Variants in SPNS2 observed in about 807,000 individuals in gnomAD.
SPNS2 encodes SPNS lysolipid transporter 2, sphingosine-1-phosphate.
SPNS2 carries 37 observed loss-of-function variants against 57.6 expected under a neutral mutation model. That is an observed-to-expected ratio of 0.64 (90% CI 0.49 to 0.85). The LOEUF (loss-of-function observed/expected upper bound fraction) is 0.85, where lower values mean the gene tolerates loss of function less well. Ranked by LOEUF, SPNS2 falls within the 40% of genes least tolerant of loss-of-function variation. The pLI, the probability that SPNS2 is intolerant of heterozygous loss-of-function variation, is 0.00. For synonymous variants in SPNS2, 440 were observed against 346.9 expected (o/e 1.27, Z -2.98); for missense variants, 831 against 779.1 (o/e 1.07, Z -0.79).
At chr17:4,533,892 C>A (rs757011727) in intron 9 of SPNS2, 39 bp downstream of exon 9, 4 of 1,602,816 alleles carry the variant, frequency 2.5e-6, no homozygotes. Context: ...TGCTGCTGAC[C>A]CAGGCCTCTT....
intron 2 of SPNS2, among the ~76,000 whole-genome samples, chr17:4,522,235 G>T (rs761353612): frequency 3.3e-5 from 5 of 152,150 alleles, no homozygotes; most frequent in Non-Finnish European, 5.9e-5. Flanking sequence ...CCACATCAGG[G>T]CTCCCCTCAC....
chr17:4,508,559 G>C (rs1407500408), intron 1 of SPNS2, among the ~76,000 whole-genome samples: 1 of 152,162 alleles, frequency 6.6e-6, no homozygotes, highest in Non-Finnish European at 1.5e-5. Context: ...CTGGAGTCAG[G>C]GGCTGTATGT....
chr17:4,535,944 A>G (rs1421262219), intron 9 of SPNS2, 132 bp from the exon 10 acceptor site: 7 of 690,762 alleles, frequency 1.0e-5, no homozygotes, highest in Non-Finnish European at 1.2e-5. Flanking sequence ...GGCCCAGGGG[A>G]GAGAGGTGTC....
chr17:4,535,159 G>C (rs996043389), intron 9 of SPNS2, among the ~76,000 whole-genome samples: 16 of 152,212 alleles, frequency 1.1e-4, no homozygotes, highest in Non-Finnish European at 1.6e-4. Flanking sequence ...GGCTGTGCCT[G>C]TCCCGCCCCC....
At position 4,512,808 on chromosome 17, in the gene SPNS2, G is replaced by A. The variant is rs112557317; in HGVS notation, c.371-439G>A. 0.024 allele frequency among the ~76,000 whole-genome samples: 3,596 copies of A among 151,168 alleles called. 129 individuals carry two copies. Among genetic ancestry groups the A allele is most frequent in the African/African-American group, 0.081 (3,382 of 41,506 alleles). On this transcript the variant is annotated intron_variant, in intron 1 of 12. Coordinates refer to ENST00000329078, the MANE Select transcript of SPNS2 (RefSeq NM_001124758.3). This position sits in a 1 kb window ranked among gnomAD's most constrained non-coding sequence, Gnocchi z 5.2. ...CATGTGCAGGTGAACCAGAGTGAGCGGCTGCCCCTCCCAGGCCAGAGGGCT... is the reference window on the plus strand; with the variant it reads ...CATGTGCAGGTGAACCAGAGTGAGCAGCTGCCCCTCCCAGGCCAGAGGGCT...
rs778795944 is a variant in SPNS2, at chr17:4,533,830, G to T, written c.1321G>T (p.Ala441Ser). 3 of 1,612,358 alleles carry T rather than the reference G, an allele frequency of 1.9e-6. No individual in the cohort carries two copies. Among genetic ancestry groups the T allele is most frequent in the Non-Finnish European group, 1.7e-6 (2 of 1,179,430 alleles). The change falls in exon 9 of 13, where the codon GCC becomes TCC. Residue 441 changes from alanine (A) to serine (S), a missense_variant. Physicochemically the swap from Ala to Ser is moderately conservative, Grantham distance 99. Coordinates refer to ENST00000329078, the MANE Select transcript of SPNS2 (RefSeq NM_001124758.3). ...VGETLLFSNW[A>S]ITADILMYVV... is the part of the protein sequence containing the mutation. ...GGAGACGCTGCTGTTTTCTAACTGG[G>T]CCATCACTGCAGACATCCTCATGGT...
chr17:4,536,796 A>C, intron 11 of SPNS2, 104 bp from the exon 12 acceptor site: 1 of 952,082 alleles, frequency 1.1e-6, no homozygotes, highest in Non-Finnish European at 1.7e-6. Context: ...GTCCCTGCCC[A>C]GCACCTCCGG....
chr17:4,536,092 C>G lies in SPNS2; in HGVS notation c.1361C>G (p.Thr454Arg). The change falls in exon 10 of 13, where the codon ACG (threonine) becomes AGG (arginine). Residue 454 changes from threonine (T) to arginine (R), a missense_variant. Around this residue, in one of 2 missense-constraint regions of SPNS2, gnomAD observed 526 missense variants for 400.9 expected, o/e 1.31. Transcript: ENST00000329078. Reference sequence around the variant, plus strand: ...GTTCCGCAGTACGTGGTCATCCCCACGCGGCGCGCCACTGCCGTGGCCTTG... The same window carrying G: ...GTTCCGCAGTACGTGGTCATCCCCAGGCGGCGCGCCACTGCCGTGGCCTTG... ...ADILMYVVIP[T>R]RRATAVALQS... 1 of 1,611,972 alleles carries G rather than the reference C, an allele frequency of 6.2e-7. No homozygotes were observed. Among genetic ancestry groups the G allele is most frequent in the East Asian group, 2.2e-5 (1 of 44,860 alleles).
At chr17:4,516,058 A>G (rs4520892) in intron 2 of SPNS2, among the ~76,000 whole-genome samples, 68,295 of 151,786 alleles carry the variant, frequency 0.45, 16,796 homozygotes, top group East Asian at 0.85. Flanking sequence ...TTACGCCTAT[A>G]ATCCCAGCAC....
At chr17:4,519,478 G>A (rs1905083035) in intron 2 of SPNS2, among the ~76,000 whole-genome samples, 1 of 152,122 alleles carries the variant, frequency 6.6e-6, no homozygotes, top group Non-Finnish European at 1.5e-5. Flanking sequence ...AGGAGGGAGT[G>A]AGGCCCTGGC....
At chr17:4,513,502 T>C (rs1038779244) in intron 2 of SPNS2, among the ~76,000 whole-genome samples, 190 bp downstream of exon 2, 1 of 152,234 alleles carries the variant, frequency 6.6e-6, no homozygotes, top group African/African-American at 2.4e-5. Context: ...CTGCTGCTTT[T>C]CTTGTGTAAC....
Position 4,537,596 on chromosome 17 carries a change from G to A in SPNS2, c.*148G>A, listed in dbSNP as rs760849012. 1 of 456,770 alleles carries A rather than the reference G, an allele frequency of 2.2e-6. No individual in the cohort carries two copies. Among genetic ancestry groups the A allele is most frequent in the South Asian group, 1.5e-5 (1 of 64,576 alleles). The allele number at this position is 456,770 out of a possible 1,614,324, so 28.3% of individuals were successfully genotyped here. A position where few individuals can be genotyped will look rare whatever the true frequency, so the allele number is the denominator to read the frequency against. On this transcript the variant is annotated 3_prime_UTR_variant, in exon 13 of 13. Coordinates refer to ENST00000329078, the MANE Select transcript of SPNS2 (RefSeq NM_001124758.3). Reference sequence around the variant, plus strand: ...CCTCTCTGGCCCAGGCCTGCTGAGTGGCCCTGGCATCAAGAAGAGGCTGTG... The same window carrying A: ...CCTCTCTGGCCCAGGCCTGCTGAGTAGCCCTGGCATCAAGAAGAGGCTGTG...
At chr17:4,505,977 G>A (rs1904666103) in intron 1 of SPNS2, among the ~76,000 whole-genome samples, 1 of 152,224 alleles carries the variant, frequency 6.6e-6, no homozygotes, top group Non-Finnish European at 1.5e-5. Context: ...TTTGTCAACT[G>A]AAAAGGGCTG....
intron 2 of SPNS2, among the ~76,000 whole-genome samples, chr17:4,522,377 C>G (rs1339617875): frequency 6.6e-6 from 1 of 152,068 alleles, no homozygotes; most frequent in Non-Finnish European, 1.5e-5. Flanking sequence ...GTGCCTCATG[C>G]CCGGATTTGT....
intron 2 of SPNS2, among the ~76,000 whole-genome samples, chr17:4,516,917 T>C (rs1166438405): frequency 6.6e-6 from 1 of 152,206 alleles, no homozygotes; most frequent in African/African-American, 2.4e-5. Flanking sequence ...GTATTTTCAA[T>C]ATAAACATTT....
At chr17:4,537,043 AC>A in intron 12 of SPNS2, 97 bp downstream of exon 12, 1 of 1,297,220 alleles carries the variant, frequency 7.7e-7, no homozygotes. Flanking sequence ...GTCACCTCCT[AC>A]CCCAGCACAT....
At chr17:4,519,136 G>C (rs939712604) in intron 2 of SPNS2, among the ~76,000 whole-genome samples, 1 of 152,160 alleles carries the variant, frequency 6.6e-6, no homozygotes, top group Non-Finnish European at 1.5e-5. Context: ...ACAGGATGTG[G>C]AGGATGGTAG....
At chr17:4,525,323 C>T in intron 3 of SPNS2, 130 bp downstream of exon 3, 2 of 1,317,714 alleles carry the variant, frequency 1.5e-6, no homozygotes, top group Non-Finnish European at 2.1e-6. Context: ...ACTGTCTTCC[C>T]AGTGCAGAAG....
intron 2 of SPNS2, among the ~76,000 whole-genome samples, chr17:4,515,305 C>T (rs1405489552): frequency 6.6e-6 from 1 of 152,336 alleles, no homozygotes; most frequent in East Asian, 1.9e-4. Flanking sequence ...GCTGCACTTA[C>T]CAGATACAGG....
Sources: gnomAD v4.1 joint callset for allele counts (sites outside exome capture counted in the v4.1 genomes callset) on GRCh38, gnomAD v4.1.1 for gene constraint, gnomAD v4.1.1 regional missense constraint, Gnocchi (gnomAD v3.1) non-coding constraint, MANE v1.5 for transcripts, NCBI Gene and HGNC (gene_info 2026-07-23, HGNC 2026-07-21) for gene names.